The following ERC1 variants were observed in gnomAD, a reference collection of about 807,000 sequenced individuals.
The protein encoded by ERC1 is RAB6 interacting protein 2.
ERC1 carries 56 observed loss-of-function variants against 132.0 expected under a neutral mutation model. The ratio of observed to expected loss-of-function variants is 0.42; its 90% CI spans 0.34 to 0.53. The LOEUF (loss-of-function observed/expected upper bound fraction) is 0.53. Ranked by LOEUF, ERC1 falls within the 20% of genes least tolerant of loss-of-function variation. The pLI is 0.03. For synonymous variants in ERC1, 478 were observed against 476.1 expected (o/e 1.00, Z -0.05); for missense variants, 1,202 against 1,349.9 (o/e 0.89, Z 1.72).
At chr12:1,345,899 G>A (rs1566642129) in intron 15 of ERC1, among the ~76,000 whole-genome samples, 1 of 152,160 alleles carries the variant, frequency 6.6e-6, no homozygotes, top group Admixed American at 6.5e-5. Context: ...GCTTGATAGT[G>A]TTTATTTGCC....
intron 12 of ERC1, among the ~76,000 whole-genome samples, chr12:1,212,812 C>T (rs1958003632): frequency 6.6e-6 from 1 of 152,196 alleles, no homozygotes; most frequent in Admixed American, 6.5e-5. Flanking sequence ...TCCCAGTGTG[C>T]TCTCCTCCCA....
chr12:1,433,367 A>G (rs748525824), intron 17 of ERC1, among the ~76,000 whole-genome samples: 6 of 152,198 alleles, frequency 3.9e-5, no homozygotes, highest in Non-Finnish European at 7.3e-5. Flanking sequence ...TCATAGCTCT[A>G]TGCACGTGTA....
At chr12:1,175,535 A>ATTT (rs527757794) in intron 8 of ERC1, among the ~76,000 whole-genome samples, 2 of 141,484 alleles carry the variant, frequency 1.4e-5, no homozygotes, top group Non-Finnish European at 3.1e-5. Flanking sequence ...CATCTGTTCA[A>ATTT]TTTTTTTTTT....
intron 14 of ERC1, among the ~76,000 whole-genome samples, chr12:1,264,179 C>A (rs997069273): frequency 6.6e-6 from 1 of 152,180 alleles, no homozygotes; most frequent in Non-Finnish European, 1.5e-5. Context: ...GAGGGACTTG[C>A]TGAAGAGTTC....
chr12:1,105,548 G>A (rs947797236), intron 4 of ERC1, among the ~76,000 whole-genome samples: 10 of 151,894 alleles, frequency 6.6e-5, no homozygotes, highest in Non-Finnish European at 1.5e-4. Flanking sequence ...TAGTAGAGAT[G>A]GGGTTTCACC....
At chr12:1,177,581 A>G (rs1457391099) in intron 8 of ERC1, among the ~76,000 whole-genome samples, 3 of 152,198 alleles carry the variant, frequency 2.0e-5, no homozygotes, top group African/African-American at 4.8e-5. Context: ...AACACATGCA[A>G]CATTTCTTAA....
intron 8 of ERC1, among the ~76,000 whole-genome samples, chr12:1,142,237 C>G (rs1292073094): frequency 6.6e-6 from 1 of 152,130 alleles, no homozygotes; most frequent in Non-Finnish European, 1.5e-5. Flanking sequence ...GTGTGTGTGT[C>G]TATTTCAATA....
At chr12:1,045,111 T>C (rs1341804165) in intron 2 of ERC1, among the ~76,000 whole-genome samples, 1 of 152,110 alleles carries the variant, frequency 6.6e-6, no homozygotes, top group East Asian at 1.9e-4. Flanking sequence ...ATGGGCAACA[T>C]AGAATGCTTA....
At chr12:1,464,127 G>T (rs1027648842) in intron 18 of ERC1, among the ~76,000 whole-genome samples, 1 of 152,152 alleles carries the variant, frequency 6.6e-6, no homozygotes, top group Non-Finnish European at 1.5e-5. Flanking sequence ...AGTATTATTT[G>T]CAATTCACTC....
chr12:1,174,783 C>T (rs1593959226), intron 8 of ERC1, among the ~76,000 whole-genome samples: 1 of 152,172 alleles, frequency 6.6e-6, no homozygotes, highest in East Asian at 1.9e-4. Context: ...CCTTTCTTGA[C>T]AGGAAAGTCT....
rs766811958 is a variant in ERC1 at position 1,354,153 on chromosome 12, G to A, written c.2781-17680G>A. 7.9e-5 allele frequency among the ~76,000 whole-genome samples: 12 copies of A among 151,392 alleles called. 1 individual carries two copies. The highest frequency in any genetic ancestry group is 1.6e-4 in the Non-Finnish European group (11 of 67,846). On this transcript the variant is annotated intron_variant, in intron 15 of 18. Coordinates refer to ENST00000360905, the MANE Select transcript of ERC1 (RefSeq NM_178040.4). The stretch of plus-strand genomic sequence containing the variant: ...TCATTCCCACGTAGTCTTTAATCGG[G>A]TCCTGATTGCAGGACTGTCAGTACA...
chr12:1,125,834 A>AC (rs1275728167), intron 7 of ERC1, among the ~76,000 whole-genome samples: 1 of 152,234 alleles, frequency 6.6e-6, no homozygotes, highest in Non-Finnish European at 1.5e-5. Context: ...ACAAACAAAA[A>AC]AAACAAACAG....
chr12:1,213,065 C>T (rs1051445296), intron 12 of ERC1, among the ~76,000 whole-genome samples: 12 of 152,142 alleles, frequency 7.9e-5, no homozygotes, highest in African/African-American at 2.2e-4. Context: ...CTAGTAATCC[C>T]GATTCTGCCC....
chr12:1,165,382 T>C (rs918170943), intron 8 of ERC1, among the ~76,000 whole-genome samples: 10 of 151,892 alleles, frequency 6.6e-5, no homozygotes, highest in African/African-American at 2.4e-4. Context: ...CTTGGCTCAC[T>C]GCAAGTTCCG....
rs1970626172 is a variant in ERC1, at chr12:1,043,570, AT to A, written c.669+15000del. Among the ~76,000 whole-genome samples the A allele has an allele frequency of 2.6e-5, 4 of 152,238 alleles. No homozygotes were observed. In the South Asian group the frequency reaches 8.3e-4, roughly 32 times the overall value. Reference sequence around the variant, plus strand: ...GGTGGAGAGGTCTTAAAGTTACCACATTCCCCTCACTGCTTAGGACAGGTCT... The same window carrying A: ...GGTGGAGAGGTCTTAAAGTTACCACATCCCCTCACTGCTTAGGACAGGTCT... On this transcript the variant is annotated intron_variant, in intron 2 of 18. Transcript: ENST00000360905.
intron 12 of ERC1, among the ~76,000 whole-genome samples, chr12:1,229,115 A>C (rs1445534199): frequency 1.3e-5 from 2 of 152,144 alleles, no homozygotes. Context: ...GTTTGGTGGA[A>C]ATCAGCTATG....
At chr12:1,410,824 G>C (rs946744389) in intron 17 of ERC1, among the ~76,000 whole-genome samples, 1 of 151,620 alleles carries the variant, frequency 6.6e-6, no homozygotes, top group Non-Finnish European at 1.5e-5. Flanking sequence ...TATGAAATTG[G>C]CAATAGAAAA....
Position 1,491,008 on chromosome 12 carries a change from T to G in ERC1, c.*778T>G, listed in dbSNP as rs921368230. The stretch of plus-strand genomic sequence containing the variant: ...TATCATACTGAGGTGTTAGATCAAA[T>G]ATCTCTAATTGAAGAACATGTGAGG... On this transcript the variant is annotated 3_prime_UTR_variant, in exon 19 of 19. Coordinates refer to ENST00000360905, the MANE Select transcript of ERC1 (RefSeq NM_178040.4). The G allele has an allele frequency of 4.3e-6, 1 of 232,706 alleles. No homozygotes were observed. The highest frequency in any genetic ancestry group is 2.2e-5 in the African/African-American group (1 of 45,322). The allele number at this position is 232,706 out of a possible 1,614,324, so 14.4% of individuals were successfully genotyped here. A position where few individuals can be genotyped will look rare whatever the true frequency, so the allele number is the denominator to read the frequency against.
At chr12:1,159,578 C>T (rs1951702001) in intron 8 of ERC1, among the ~76,000 whole-genome samples, 1 of 152,148 alleles carries the variant, frequency 6.6e-6, no homozygotes, top group African/African-American at 2.4e-5. Context: ...TAAGTCAGAT[C>T]TTTTTTCTGC....
Sources: gnomAD v4.1 joint callset for allele counts (sites outside exome capture counted in the v4.1 genomes callset) on GRCh38, gnomAD v4.1.1 for gene constraint, MANE v1.5 for transcripts, NCBI Gene and HGNC (gene_info 2026-07-23, HGNC 2026-07-21) for gene names.